The following OPHN1 variants were observed in gnomAD, a reference collection of about 807,000 sequenced individuals.
OPHN1 encodes oligophrenin 1.
OPHN1 carries 11 observed loss-of-function variants against 60.7 expected under a neutral mutation model. The ratio of observed to expected loss-of-function variants is 0.18; its 90% CI spans 0.11 to 0.30. The LOEUF is 0.30. Ranked by LOEUF, OPHN1 falls within the 10% of genes least tolerant of loss-of-function variation. The pLI is 1.00. For missense variants in OPHN1, 449 were observed against 611.0 expected, an observed-to-expected ratio of 0.73 and a Z score of 2.80; for synonymous variants, 226 against 222.6, an observed-to-expected ratio of 1.02 and a Z score of -0.14.
chrX:68,339,069 C>A (rs1476851334), intron 2 of OPHN1, among the ~76,000 whole-genome samples: 1 of 94,596 alleles, frequency 1.1e-5, no homozygotes, highest in South Asian at 4.5e-4. Context: ...AACAGTGAGA[C>A]CCTGTCTGAA....
chrX:68,414,932 A>G (rs1444974152), intron 2 of OPHN1, among the ~76,000 whole-genome samples: 1 of 112,496 alleles, frequency 8.9e-6, no homozygotes, highest in African/African-American at 3.2e-5. Context: ...TAAGAATAAA[A>G]AAAGAAGAAG....
Position 68,193,899 on chromosome X carries a change from C to G in OPHN1, c.1192G>C (p.Glu398Gln), listed in dbSNP as rs1404555003. The G allele has an allele frequency of 1.7e-6, 2 of 1,201,600 alleles. No individual in the cohort carries two copies. Among genetic ancestry groups the G allele is most frequent in the Admixed American group, 4.4e-5 (2 of 45,652 alleles). ...ATGGTTCAGATCTTACCTTTGGTCT[C>G]AATAATATTGATGCACTTCCTGACA... ...KFVRKCINII[E>Q]TKGIKTEGLY... The change falls in exon 14 of 25, where the codon GAG becomes CAG. Residue 398 changes from glutamate (E) to glutamine (Q), a missense_variant. By Grantham distance (29) the Glu-to-Gln change is conservative (BLOSUM62 2). Coordinates refer to ENST00000355520, the MANE Select transcript of OPHN1 (RefSeq NM_002547.3).
At chrX:68,070,591 T>C (rs878860689) in intron 20 of OPHN1, 1 of 658,357 alleles carries the variant, frequency 1.5e-6, no homozygotes, top group African/African-American at 2.1e-5. Context: ...GCACCACCCG[T>C]AGTGCTCACA....
intron 19 of OPHN1, among the ~76,000 whole-genome samples, chrX:68,076,829 T>G (rs1489772101): frequency 8.9e-6 from 1 of 111,921 alleles, no homozygotes; most frequent in Non-Finnish European, 1.9e-5. Flanking sequence ...TAAAAAGGAA[T>G]GAACTATTGA....
intron 15 of OPHN1, among the ~76,000 whole-genome samples, chrX:68,124,057 C>T (rs1478730118): frequency 9.1e-6 from 1 of 110,387 alleles, no homozygotes; most frequent in East Asian, 2.8e-4. Context: ...ATACTCCATG[C>T]CAATGGAAAC....
rs367993068 is a variant in OPHN1 at position 68,432,873 on chromosome X, T to C, written c.148A>G (p.Met50Val). 1.2e-5 allele frequency: 14 copies of C among 1,211,829 alleles called. No homozygotes were observed. Among genetic ancestry groups the C allele is most frequent in the Middle Eastern group, 4.6e-4 (2 of 4,354 alleles). ...IKDGNALISA[M>V]RNYSSAVQKF... Reference sequence around the variant, plus strand: ...ATCGAAGCCTTGCACTTACTTCTCATAGCGCTGATAAGCGCGTTGCCGTCT... The same window carrying C: ...ATCGAAGCCTTGCACTTACTTCTCACAGCGCTGATAAGCGCGTTGCCGTCT... Residue 50 changes from methionine (M) to valine (V), a missense_variant, in exon 2 of 25, where the codon ATG (methionine) becomes GTG (valine). Physicochemically the swap from Met to Val is conservative, Grantham distance 21. Around this residue, in one of 4 missense-constraint regions of OPHN1, gnomAD observed 99 missense variants for 155.2 expected, o/e 0.64. Coordinates refer to ENST00000355520, the MANE Select transcript of OPHN1 (RefSeq NM_002547.3).
chrX:68,050,244 G>A (rs2076846645), intron 23 of OPHN1, among the ~76,000 whole-genome samples: 1 of 111,598 alleles, frequency 9.0e-6, no homozygotes, highest in African/African-American at 3.3e-5. Flanking sequence ...TGGGTACTCA[G>A]GATGGTAGTT....
intron 5 of OPHN1, among the ~76,000 whole-genome samples, chrX:68,252,216 A>G (rs1005334328): frequency 8.9e-6 from 1 of 112,204 alleles, no homozygotes. Context: ...AAAAAAACAA[A>G]GCTACCTCAG....
rs147392550 is a variant in OPHN1, at chrX:68,159,528, C to T, written c.1276+33391G>A. Among the ~76,000 whole-genome samples, 25 of 111,977 alleles carry T rather than the reference C, an allele frequency of 2.2e-4. No individual in the cohort carries two copies. The East Asian group carries it at 6.7e-3, about 30-fold the overall frequency. ...AATAGTAAATGAGAAGTTTAATCAACAAGTTTTTAAAATTATATACTTGCT... is the reference window on the plus strand; with the variant it reads ...AATAGTAAATGAGAAGTTTAATCAATAAGTTTTTAAAATTATATACTTGCT... On this transcript the variant is annotated intron_variant, in intron 15 of 24. Transcript: ENST00000355520.
At chrX:68,227,032 C>T (rs1195283471) in intron 6 of OPHN1, among the ~76,000 whole-genome samples, 2 of 110,993 alleles carry the variant, frequency 1.8e-5, no homozygotes, top group Non-Finnish European at 3.8e-5. Flanking sequence ...CAGAGACACA[C>T]ACAGGCTCAA....
chrX:68,132,128 T>G (rs897546439), intron 15 of OPHN1, among the ~76,000 whole-genome samples: 3 of 112,012 alleles, frequency 2.7e-5, no homozygotes, highest in Non-Finnish European at 5.6e-5. Context: ...TTGTCATAGA[T>G]AGCTCTTATT....
chrX:68,364,190 G>T (rs1218922200), intron 2 of OPHN1, among the ~76,000 whole-genome samples: 1 of 111,850 alleles, frequency 8.9e-6, no homozygotes, highest in African/African-American at 3.2e-5. Context: ...TGTCAACAGT[G>T]ACTTTAGGCA....
chrX:68,360,202 G>T (rs891602415), intron 2 of OPHN1, among the ~76,000 whole-genome samples: 2 of 110,549 alleles, frequency 1.8e-5, no homozygotes, highest in Non-Finnish European at 3.8e-5. Context: ...TTTTAGAGAT[G>T]AGATCTCACT....
intron 2 of OPHN1, among the ~76,000 whole-genome samples, chrX:68,396,004 T>C (rs1178184225): frequency 1.8e-5 from 2 of 111,052 alleles, no homozygotes; most frequent in African/African-American, 6.5e-5. Flanking sequence ...GCCTAAGGAA[T>C]CTAAGCTCCC....
At chrX:68,065,238 TA>T (rs1325924508) in intron 20 of OPHN1, among the ~76,000 whole-genome samples, 39 of 109,319 alleles carry the variant, frequency 3.6e-4, no homozygotes, top group East Asian at 2.3e-3. Flanking sequence ...TAGATCTTGA[TA>T]TTTTTTTTAA....
intron 20 of OPHN1, among the ~76,000 whole-genome samples, chrX:68,064,611 A>G (rs2076906309): frequency 8.9e-6 from 1 of 112,147 alleles, no homozygotes. Flanking sequence ...ACATACTTTA[A>G]CTTCGTTCTC....
intron 2 of OPHN1, among the ~76,000 whole-genome samples, chrX:68,308,396 G>T (rs1407106859): frequency 9.1e-6 from 1 of 110,466 alleles, no homozygotes; most frequent in Non-Finnish European, 1.9e-5. Context: ...TTCGAGACCA[G>T]CCTGGCCAAC....
chrX:68,047,083 T>C lies in OPHN1; in HGVS notation c.*89A>G, dbSNP rs1456278698. 8.9e-6 allele frequency: 1 copy of C among 111,760 alleles called. No homozygotes were observed. The highest frequency in any genetic ancestry group is 2.8e-4 in the East Asian group (1 of 3,558). The allele number at this position is 111,760 out of a possible 1,213,427, so 9.2% of individuals were successfully genotyped here. ...GAAGGAGCTGCTCTTCAACACAAAA[T>C]GACTCCGCACACAAAGGTTTGAAGA... On this transcript the variant is annotated 3_prime_UTR_variant, in exon 25 of 25. Transcript: ENST00000355520.
At chrX:68,220,434 G>A (rs2077648427) in intron 6 of OPHN1, among the ~76,000 whole-genome samples, 1 of 110,915 alleles carries the variant, frequency 9.0e-6, no homozygotes, top group African/African-American at 3.3e-5. Context: ...CATTTCATGA[G>A]GCCAGCATCA....
Sources: allele counts gnomAD v4.1 joint callset (sites outside exome capture counted in the v4.1 genomes callset), GRCh38; gene constraint gnomAD v4.1.1; regional missense constraint gnomAD v4.1.1; transcripts MANE v1.5; gene names NCBI Gene and HGNC (gene_info 2026-07-23, HGNC 2026-07-21).